The following EIPR1 variants were observed in gnomAD, a reference collection of about 807,000 sequenced individuals.
EIPR1 encodes the protein EARP complex and GARP complex interacting protein 1.
A neutral mutation model predicts 48.1 loss-of-function variants in EIPR1; 25 were observed. The observed-to-expected ratio is 0.52, with a 90% confidence interval of 0.38 to 0.73. The LOEUF is 0.73. EIPR1 is among the 30% of genes least tolerant of loss of function. The probability of loss-of-function intolerance (pLI) is 0.00; values close to 1 mark genes in which losing one functional copy is unlikely to be tolerated. For synonymous variants in EIPR1, 204 were observed against 201.9 expected (o/e 1.01, Z -0.09); for missense variants, 415 against 506.2 (o/e 0.82, Z 1.73).
chr2:3,240,534 T>A (rs1190228505), intron 4 of EIPR1, among the ~76,000 whole-genome samples: 6 of 134,574 alleles, frequency 4.5e-5, no homozygotes, highest in Admixed American at 4.4e-4. Flanking sequence ...AGCCAGCAGA[T>A]CCCTCCTAAA....
intron 3 of EIPR1, among the ~76,000 whole-genome samples, chr2:3,309,944 C>T (rs755128794): frequency 6.6e-6 from 1 of 152,092 alleles, no homozygotes; most frequent in Non-Finnish European, 1.5e-5. Context: ...CACAGGTGTG[C>T]AGGCTCTGGC....
At chr2:3,259,950 A>G (rs572723061) in intron 3 of EIPR1, among the ~76,000 whole-genome samples, 1 of 152,376 alleles carries the variant, frequency 6.6e-6, no homozygotes, top group African/African-American at 2.4e-5. Flanking sequence ...ATAAAGACGT[A>G]AAGATAAAAT....
At chr2:3,202,093 A>G (rs1158107753) in intron 5 of EIPR1, among the ~76,000 whole-genome samples, 10 of 152,050 alleles carry the variant, frequency 6.6e-5, no homozygotes, top group South Asian at 6.2e-4. Context: ...GCCCGCCACC[A>G]CGCCCGGCTA....
chr2:3,314,729 CCT>C (rs1264012717), intron 3 of EIPR1, among the ~76,000 whole-genome samples: 1 of 151,858 alleles, frequency 6.6e-6, no homozygotes, highest in Non-Finnish European at 1.5e-5. Flanking sequence ...CTCCGATGCC[CCT>C]CTGACTGCCT....
chr2:3,287,917 G>A (rs940954007), intron 3 of EIPR1, among the ~76,000 whole-genome samples: 7 of 152,120 alleles, frequency 4.6e-5, no homozygotes, highest in African/African-American at 7.2e-5. Context: ...GTACCCAGGC[G>A]GTGGAGGGGC....
chr2:3,293,953 T>G (rs1486287936), intron 3 of EIPR1, among the ~76,000 whole-genome samples: 1 of 152,194 alleles, frequency 6.6e-6, no homozygotes, highest in Non-Finnish European at 1.5e-5. Flanking sequence ...TGGTGGCTAT[T>G]TGAACACCAC....
At chr2:3,356,321 G>A (rs949723733) in intron 1 of EIPR1, among the ~76,000 whole-genome samples, 1 of 152,204 alleles carries the variant, frequency 6.6e-6, no homozygotes, top group Non-Finnish European at 1.5e-5. Context: ...TCTCAGAAGT[G>A]GCTGGATTTC....
At chr2:3,339,426 C>T (rs1670164207) in intron 2 of EIPR1, among the ~76,000 whole-genome samples, 1 of 152,246 alleles carries the variant, frequency 6.6e-6, no homozygotes, top group African/African-American at 2.4e-5. Context: ...ATCACCCAGG[C>T]CTCAGATGGC....
chr2:3,318,890 A>G (rs562691790), intron 3 of EIPR1: 1 of 471,382 alleles, frequency 2.1e-6, no homozygotes, highest in East Asian at 6.9e-5. Flanking sequence ...ACCTGGTGCA[A>G]CGTGTTTACA....
At chr2:3,376,092 T>C (rs1659869060) in intron 1 of EIPR1, among the ~76,000 whole-genome samples, 1 of 151,812 alleles carries the variant, frequency 6.6e-6, no homozygotes, top group Non-Finnish European at 1.5e-5. Context: ...CTGGGCAACA[T>C]GGCGAAACCC....
intron 2 of EIPR1, among the ~76,000 whole-genome samples, chr2:3,349,087 C>T (rs1246828213): frequency 6.6e-6 from 1 of 152,210 alleles, no homozygotes; most frequent in Non-Finnish European, 1.5e-5. Context: ...TGTGTCTGTA[C>T]AAAAGTGTAC....
intron 3 of EIPR1, among the ~76,000 whole-genome samples, chr2:3,302,786 C>T (rs972091060): frequency 3.3e-5 from 5 of 152,190 alleles, no homozygotes; most frequent in African/African-American, 1.2e-4. Flanking sequence ...GACAGGCTCC[C>T]AAAGGCCAGG....
intron 5 of EIPR1, chr2:3,208,349 G>T (rs527560293): frequency 9.4e-7 from 1 of 1,067,638 alleles, no homozygotes; most frequent in Middle Eastern, 3.1e-4. Context: ...GAGCACCTCT[G>T]TGCCCGGGTG....
chr2:3,198,623 A>G (rs1427264540), intron 5 of EIPR1, among the ~76,000 whole-genome samples: 1 of 152,128 alleles, frequency 6.6e-6, no homozygotes, highest in African/African-American at 2.4e-5. Flanking sequence ...AAGAGTACAA[A>G]AGAGAGAAAT....
intron 5 of EIPR1, among the ~76,000 whole-genome samples, chr2:3,200,212 G>T (rs1187191842): frequency 6.6e-5 from 10 of 152,222 alleles, no homozygotes; most frequent in African/African-American, 2.4e-4. Context: ...CAAGCGGATG[G>T]CTGCCGATGG....
intron 1 of EIPR1, among the ~76,000 whole-genome samples, chr2:3,370,044 C>A (rs1044604214): frequency 2.0e-5 from 3 of 152,156 alleles, no homozygotes; most frequent in Admixed American, 6.5e-5. Context: ...GACAAAACTT[C>A]CAGAGGAACG....
At chr2:3,292,935 G>T (rs992133141) in intron 3 of EIPR1, among the ~76,000 whole-genome samples, 1 of 151,158 alleles carries the variant, frequency 6.6e-6, no homozygotes, top group Admixed American at 6.6e-5. Context: ...CAGAAAACGA[G>T]AAAGGGAGAG....
intron 1 of EIPR1, among the ~76,000 whole-genome samples, chr2:3,362,723 A>G (rs927247307): frequency 2.1e-5 from 3 of 145,402 alleles, no homozygotes; most frequent in Non-Finnish European, 4.6e-5. Context: ...AACATCTATA[A>G]TCCAAAGGCA....
At chr2:3,370,484 C>A (rs1368326524) in intron 1 of EIPR1, among the ~76,000 whole-genome samples, 2 of 152,128 alleles carry the variant, frequency 1.3e-5, no homozygotes, top group Non-Finnish European at 2.9e-5. Flanking sequence ...AAGTTGAAAA[C>A]TTTGAAAAAA....
Sources: allele counts gnomAD v4.1 joint callset (sites outside exome capture counted in the v4.1 genomes callset), GRCh38; gene constraint gnomAD v4.1.1; transcripts MANE v1.5; gene names NCBI Gene and HGNC (gene_info 2026-07-23, HGNC 2026-07-21).